The following SNX9 variants were observed in gnomAD, a reference collection of about 807,000 sequenced individuals.
SNX9 encodes the protein sorting nexin-9.
Under a neutral mutation model 89.4 loss-of-function variants are expected in SNX9, and 44 were observed. That is an observed-to-expected ratio of 0.49 (90% CI 0.39 to 0.63). SNX9 has a LOEUF of 0.63. Ranked by LOEUF, SNX9 falls within the 30% of genes least tolerant of loss-of-function variation. SNX9 has a pLI of 0.00. For synonymous variants in SNX9, 236 were observed against 247.8 expected, an observed-to-expected ratio of 0.95 and a Z score of 0.45; for missense variants, 578 against 736.1, an observed-to-expected ratio of 0.79 and a Z score of 2.49.
chr6:157,832,966 T>G (rs1425524684), intron 1 of SNX9, among the ~76,000 whole-genome samples: 1 of 152,210 alleles, frequency 6.6e-6, no homozygotes, highest in Non-Finnish European at 1.5e-5. Context: ...GTCCAGACTT[T>G]GCCTTGTCAG....
intron 1 of SNX9, among the ~76,000 whole-genome samples, chr6:157,838,908 A>G (rs1483975651): frequency 6.6e-6 from 1 of 152,180 alleles, no homozygotes; most frequent in East Asian, 1.9e-4. Context: ...CTTGTTCTAA[A>G]TCCTTTGTGG....
In SNX9 at chr6:157,938,759, G is replaced by A; in HGVS notation, c.1648+12G>A. 3 of 1,598,752 alleles carry A rather than the reference G, an allele frequency of 1.9e-6. No individual in the cohort carries two copies. Among genetic ancestry groups the A allele is most frequent in the Non-Finnish European group, 2.6e-6 (3 of 1,169,692 alleles). On this transcript the variant is annotated intron_variant, in intron 16 of 17. Coordinates refer to ENST00000392185, the MANE Select transcript of SNX9 (RefSeq NM_016224.5). ...TTACGCGTTGCAAGGTAAGATGAAA[G>A]GGTCCTTATGAGGTGCTGGTGGAAG...
At position 157,942,747 on chromosome 6, in the gene SNX9, TGGGA is replaced by T. The variant is rs1419521954; in HGVS notation, c.1741-42_1741-39del. The T allele has an allele frequency of 2.5e-6, 4 of 1,603,354 alleles. No homozygotes were observed. In the African/African-American group the frequency reaches 5.4e-5, roughly 21 times the overall value. ...AATAAAGAACACTGTGAGGTCGTAA[TGGGA>T]GTGATATCTCAACGTTGTTTTGTTT... On this transcript the variant is annotated intron_variant, in intron 17 of 17. Coordinates refer to ENST00000392185, the MANE Select transcript of SNX9 (RefSeq NM_016224.5).
At position 157,917,328 on chromosome 6, in the gene SNX9, G is replaced by A. The variant is rs140844034; in HGVS notation, c.950-4203G>A. On this transcript the variant is annotated intron_variant, in intron 9 of 17. Coordinates refer to ENST00000392185, the MANE Select transcript of SNX9 (RefSeq NM_016224.5). Reference sequence around the variant, plus strand: ...TTTCTGCTCTTTTATCATTTCTATCGCTTGGTTTGGGTTTGATTTATTCTT... The same window carrying A: ...TTTCTGCTCTTTTATCATTTCTATCACTTGGTTTGGGTTTGATTTATTCTT... 2.5e-4 allele frequency among the ~76,000 whole-genome samples: 38 copies of A among 149,662 alleles called. 1 individual carries two copies. Among genetic ancestry groups the A allele is most frequent in the African/African-American group, 7.6e-4 (31 of 40,696 alleles).
intron 1 of SNX9, among the ~76,000 whole-genome samples, chr6:157,839,540 A>G (rs970611632): frequency 6.6e-6 from 1 of 152,260 alleles, no homozygotes; most frequent in Non-Finnish European, 1.5e-5. Context: ...AAATAATTGA[A>G]TGGATTCAGG....
intron 1 of SNX9, chr6:157,830,267 T>C (rs754539299): frequency 1.3e-5 from 2 of 152,242 alleles, no homozygotes; most frequent in Admixed American, 6.5e-5. Context: ...GGTATGTTGT[T>C]GGTAAATCTC....
chr6:157,897,997 T>C (rs1805101837), intron 5 of SNX9, among the ~76,000 whole-genome samples: 1 of 152,130 alleles, frequency 6.6e-6, no homozygotes. Flanking sequence ...TTCCAAGGGT[T>C]AGGAGATCTG....
At chr6:157,840,420 T>TTTCTTTCCTTTCTTTCCTTTCC (rs199981713) in intron 1 of SNX9, among the ~76,000 whole-genome samples, 7 of 118,666 alleles carry the variant, frequency 5.9e-5, no homozygotes, top group African/African-American at 2.3e-4. Flanking sequence ...TCTTTCTTTC[T>TTTCTTTCCTTTCTTTCCTTTCC]TTTCTTTCTT....
rs199981713 is a variant in SNX9 at position 157,840,420 on chromosome 6, T to TTTCCTTTCC, written c.12+16976_12+16977insCCTTTCCTT. ...TTACAAAAAATACTTTCTTTCTTTCTTTTCTTTCTTTTCTTTCCTTTCTTT... is the reference window on the plus strand; with the variant it reads ...TTACAAAAAATACTTTCTTTCTTTCTTTCCTTTCCTTTCTTTCTTTTCTTTCCTTTCTTT... On this transcript the variant is annotated intron_variant, in intron 1 of 17. Coordinates refer to ENST00000392185, the MANE Select transcript of SNX9 (RefSeq NM_016224.5). 6.6e-4 allele frequency among the ~76,000 whole-genome samples: 78 copies of TTTCCTTTCC among 118,654 alleles called. 1 individual carries two copies. The highest frequency in any genetic ancestry group is 2.3e-3 in the African/African-American group (70 of 30,340). 77.8% of individuals were successfully genotyped at this position (118,654 alleles called of 152,430 possible). A position where few individuals can be genotyped will look rare whatever the true frequency, so the allele number is the denominator to read the frequency against.
At chr6:157,903,407 T>C (rs1783147453) in intron 6 of SNX9, among the ~76,000 whole-genome samples, 1 of 152,220 alleles carries the variant, frequency 6.6e-6, no homozygotes, top group Admixed American at 6.5e-5. Flanking sequence ...TGCTGCCTCT[T>C]ACCCAGTTTC....
chr6:157,921,493 G>T, intron 9 of SNX9, 38 bp from the exon 10 acceptor site: 1 of 1,597,616 alleles, frequency 6.3e-7, no homozygotes. Flanking sequence ...ATTCATTTTA[G>T]ACAAAGTTGT....
chr6:157,823,691 G>A lies in SNX9; in HGVS notation c.12+245G>A, dbSNP rs544269066. On this transcript the variant is annotated intron_variant, in intron 1 of 17. Coordinates refer to ENST00000392185, the MANE Select transcript of SNX9 (RefSeq NM_016224.5). This position sits in a 1 kb window ranked among gnomAD's most constrained non-coding sequence, Gnocchi z 4.6. ...CGGCGTCGGGTCTGGGCGCGGGTTGGGACCCCGGGCGCAGCGAGGTTTGGG... is the reference window on the plus strand; with the variant it reads ...CGGCGTCGGGTCTGGGCGCGGGTTGAGACCCCGGGCGCAGCGAGGTTTGGG... Among the ~76,000 whole-genome samples the A allele has an allele frequency of 4.0e-3, 613 of 152,044 alleles. 4 individuals are homozygous for A. Among genetic ancestry groups the A allele is most frequent in the African/African-American group, 0.014 (587 of 41,522 alleles).
At chr6:157,933,164 C>T (rs1247295157) in intron 13 of SNX9, among the ~76,000 whole-genome samples, 2 of 152,052 alleles carry the variant, frequency 1.3e-5, no homozygotes, top group East Asian at 1.9e-4. Flanking sequence ...CATGGTGTCA[C>T]ACACCTGTAG....
chr6:157,905,006 C>T (rs1357135589), intron 6 of SNX9, among the ~76,000 whole-genome samples: 1 of 152,196 alleles, frequency 6.6e-6, no homozygotes, highest in Non-Finnish European at 1.5e-5. Flanking sequence ...ATACTAGGTT[C>T]TTTACATAAA....
chr6:157,883,147 G>A (rs1335758805), intron 4 of SNX9, among the ~76,000 whole-genome samples: 1 of 152,164 alleles, frequency 6.6e-6, no homozygotes, highest in Non-Finnish European at 1.5e-5. Flanking sequence ...CCAGCAAAAA[G>A]GGTGCAGCTT....
chr6:157,938,973 A>G (rs550279444), intron 16 of SNX9, among the ~76,000 whole-genome samples: 21 of 152,238 alleles, frequency 1.4e-4, no homozygotes, highest in African/African-American at 4.8e-4. Context: ...AAAACTGTAC[A>G]TTTTATTATT....
At chr6:157,867,972 T>C (rs1352676580) in intron 2 of SNX9, among the ~76,000 whole-genome samples, 1 of 152,208 alleles carries the variant, frequency 6.6e-6, no homozygotes, top group Non-Finnish European at 1.5e-5. Flanking sequence ...AGGTACCCCA[T>C]AGTTGTCCTG....
At chr6:157,915,668 C>A (rs1018806792) in intron 9 of SNX9, among the ~76,000 whole-genome samples, 40 of 121,304 alleles carry the variant, frequency 3.3e-4, no homozygotes, top group African/African-American at 6.2e-4. Flanking sequence ...CACACACACA[C>A]ACAAAAATTA....
intron 5 of SNX9, among the ~76,000 whole-genome samples, chr6:157,900,736 A>G (rs967719139): frequency 2.6e-5 from 4 of 152,354 alleles, no homozygotes; most frequent in South Asian, 2.1e-4. Flanking sequence ...AATATAGTGT[A>G]TGCATCAGTA....
Sources: gnomAD v4.1 joint callset for allele counts (sites outside exome capture counted in the v4.1 genomes callset) on GRCh38, gnomAD v4.1.1 for gene constraint, Gnocchi (gnomAD v3.1) non-coding constraint, MANE v1.5 for transcripts, NCBI Gene and HGNC (gene_info 2026-07-23, HGNC 2026-07-21) for gene names.